PRKN: variants seen among roughly 807,000 people sequenced by gnomAD.
PRKN encodes the protein parkin RBR E3 ubiquitin protein ligase, also known as E3 ubiquitin-protein ligase parkin.
A neutral mutation model predicts 59.5 loss-of-function variants in PRKN; 56 were observed. The observed-to-expected ratio is 0.94, with a 90% CI of 0.76 to 1.18. The LOEUF (loss-of-function observed/expected upper bound fraction) is 1.18. Ranked by LOEUF, PRKN falls within the 50% of genes most tolerant of loss-of-function variation. PRKN has a pLI of 0.00. For synonymous variants in PRKN, 250 were observed against 222.1 expected, an observed-to-expected ratio of 1.13 and a Z score of -1.12; for missense variants, 657 against 596.4, an observed-to-expected ratio of 1.10 and a Z score of -1.06.
At chr6:162,024,035 G>A (rs888803254) in intron 5 of PRKN, among the ~76,000 whole-genome samples, 1 of 151,906 alleles carries the variant, frequency 6.6e-6, no homozygotes, top group South Asian at 2.1e-4. Context: ...GTGAAAAATG[G>A]CATTGGTATA....
intron 3 of PRKN, among the ~76,000 whole-genome samples, chr6:162,234,301 G>T (rs1000996873): frequency 3.3e-5 from 5 of 152,190 alleles, no homozygotes; most frequent in Admixed American, 3.3e-4. Context: ...GTGGAGCCAG[G>T]CCCCAGTGAG....
chr6:162,365,375 C>T (rs762049847), intron 2 of PRKN, among the ~76,000 whole-genome samples: 5 of 152,014 alleles, frequency 3.3e-5, no homozygotes, highest in Non-Finnish European at 7.4e-5. Context: ...TGATTATATT[C>T]AGTAATGTAT....
At chr6:161,950,881 G>A (rs1420181052) in intron 6 of PRKN, among the ~76,000 whole-genome samples, 6 of 151,676 alleles carry the variant, frequency 4.0e-5, no homozygotes, top group Non-Finnish European at 7.4e-5. Flanking sequence ...GGGAGTTTCA[G>A]GAGAAGGAAG....
intron 1 of PRKN, among the ~76,000 whole-genome samples, chr6:162,692,687 A>T (rs1777825407): frequency 6.6e-6 from 1 of 152,132 alleles, no homozygotes; most frequent in South Asian, 2.1e-4. Context: ...ACACAAATCC[A>T]CCAGGACAGG....
intron 1 of PRKN, among the ~76,000 whole-genome samples, chr6:162,478,407 C>T (rs1017589511): frequency 4.6e-5 from 7 of 152,194 alleles, no homozygotes; most frequent in African/African-American, 1.7e-4. Context: ...TCATTAAACG[C>T]ACAGGAAGAC....
chr6:161,978,651 C>T (rs371804625), intron 5 of PRKN, among the ~76,000 whole-genome samples: 57 of 152,308 alleles, frequency 3.7e-4, no homozygotes, highest in African/African-American at 1.3e-3. Flanking sequence ...TAGCTGGAGT[C>T]CAAGAAGGCT....
intron 1 of PRKN, among the ~76,000 whole-genome samples, chr6:162,667,608 C>CTA (rs113191235): frequency 2.0e-5 from 3 of 151,796 alleles, no homozygotes; most frequent in Non-Finnish European, 4.4e-5. Context: ...TATTGGTGTC[C>CTA]TATATATATA....
Position 161,349,470 on chromosome 6 carries a change from C to T in PRKN, c.*629G>A, listed in dbSNP as rs565359877. On this transcript the variant is annotated 3_prime_UTR_variant, in exon 12 of 12. Transcript: ENST00000366898. This position sits in a 1 kb window ranked among gnomAD's most constrained non-coding sequence, Gnocchi z 5.5. ...ACGCATAGTTGGTATTTCATTAATG[C>T]GATTTATATAGATGGAATTCTTAAG... 2.2e-5 allele frequency: 5 copies of T among 231,738 alleles called. No homozygotes were observed. The highest frequency in any genetic ancestry group is 3.4e-5 in the Non-Finnish European group (4 of 117,222). 14.4% of individuals were successfully genotyped at this position (231,738 alleles called of 1,614,324 possible).
intron 6 of PRKN, among the ~76,000 whole-genome samples, chr6:161,868,166 T>A (rs1794199940): frequency 6.6e-6 from 1 of 152,194 alleles, no homozygotes; most frequent in Non-Finnish European, 1.5e-5. Context: ...CCATCCTTGT[T>A]TACAACTGCT....
Position 161,520,852 on chromosome 6 carries a change from C to T in PRKN, c.1083+28002G>A, listed in dbSNP as rs532705672. Reference sequence around the variant, plus strand: ...ACATTTTACATAAAGACACAAGAAACTCCGCATAGTCATCTTTGTATCACA... The same window carrying T: ...ACATTTTACATAAAGACACAAGAAATTCCGCATAGTCATCTTTGTATCACA... On this transcript the variant is annotated intron_variant, in intron 9 of 11. Transcript: ENST00000366898. Among the ~76,000 whole-genome samples, 25 of 152,278 alleles carry T rather than the reference C, an allele frequency of 1.6e-4. No homozygotes were observed. In the South Asian group the frequency reaches 4.6e-3, roughly 28 times the overall value.
intron 2 of PRKN, among the ~76,000 whole-genome samples, chr6:162,361,375 C>A (rs1785128375): frequency 6.6e-6 from 1 of 151,792 alleles, no homozygotes; most frequent in South Asian, 2.1e-4. Flanking sequence ...GATGAGGTCA[C>A]AAGCCAGGAT....
At chr6:162,511,201 C>CT (rs535277520) in intron 1 of PRKN, among the ~76,000 whole-genome samples, 14 of 149,390 alleles carry the variant, frequency 9.4e-5, no homozygotes, top group Admixed American at 3.3e-4. Context: ...TTTAATATTA[C>CT]TTTTTTTTTT....
chr6:161,885,903 A>G, intron 6 of PRKN, among the ~76,000 whole-genome samples: 1 of 152,178 alleles, frequency 6.6e-6, no homozygotes, highest in Non-Finnish European at 1.5e-5. Context: ...TTCATCACAC[A>G]AGGAGGTGGC....
At chr6:162,711,077 T>C (rs1020676357) in intron 1 of PRKN, among the ~76,000 whole-genome samples, 2 of 152,130 alleles carry the variant, frequency 1.3e-5, no homozygotes, top group African/African-American at 2.4e-5. Flanking sequence ...CACTGACAGT[T>C]TGATGAAGCT....
intron 3 of PRKN, among the ~76,000 whole-genome samples, chr6:162,206,852 G>C (rs1460813814): frequency 6.6e-6 from 1 of 152,220 alleles, no homozygotes; most frequent in East Asian, 1.9e-4. Flanking sequence ...GACACAACCA[G>C]TATGTACCAA....
chr6:162,399,776 G>C (rs577322800), intron 2 of PRKN, among the ~76,000 whole-genome samples: 85 of 150,916 alleles, frequency 5.6e-4, no homozygotes, highest in African/African-American at 2.1e-3. Context: ...AGAAACTTAA[G>C]GAACAACTGA....
intron 4 of PRKN, among the ~76,000 whole-genome samples, chr6:162,177,101 T>C (rs1242981503): frequency 6.6e-6 from 1 of 152,042 alleles, no homozygotes; most frequent in Non-Finnish European, 1.5e-5. Context: ...TTGCTGTATA[T>C]AGTCACACAC....
At chr6:162,338,465 G>A (rs531188473) in intron 2 of PRKN, among the ~76,000 whole-genome samples, 100 of 152,308 alleles carry the variant, frequency 6.6e-4, no homozygotes, top group African/African-American at 2.0e-3. Flanking sequence ...TGTTGGCCGG[G>A]CCGGTCTCCA....
At chr6:161,749,024 T>C (rs1273495904) in intron 7 of PRKN, among the ~76,000 whole-genome samples, 5 of 152,040 alleles carry the variant, frequency 3.3e-5, no homozygotes, top group East Asian at 1.9e-4. Context: ...CTGGGAGAGA[T>C]GGAAGGTTGG....
Sources: allele counts gnomAD v4.1 joint callset (sites outside exome capture counted in the v4.1 genomes callset), GRCh38; gene constraint gnomAD v4.1.1; non-coding constraint Gnocchi (gnomAD v3.1); transcripts MANE v1.5; gene names NCBI Gene and HGNC (gene_info 2026-07-23, HGNC 2026-07-21).